The following MED1 variants were observed in gnomAD, a reference collection of about 807,000 sequenced individuals.
MED1 encodes the protein mediator complex subunit 1.
In MED1, 17 loss-of-function variants were observed where a neutral mutation model predicts 121.3. That is an observed-to-expected ratio of 0.14 (90% CI 0.10 to 0.21). The LOEUF is 0.21. Ranked by LOEUF, MED1 falls within the 10% of genes least tolerant of loss-of-function variation. The pLI is 1.00. For synonymous variants in MED1, 661 were observed against 694.4 expected (o/e 0.95, Z 0.76); for missense variants, 1,558 against 1,919.4 (o/e 0.81, Z 3.52).
intron 3 of MED1, among the ~76,000 whole-genome samples, chr17:39,441,753 G>A (rs1192569280): frequency 6.6e-6 from 1 of 151,980 alleles, no homozygotes; most frequent in Non-Finnish European, 1.5e-5. Flanking sequence ...CAGCCTGGGT[G>A]ACACAGCGAC....
rs2048338663 is a variant in MED1, at chr17:39,409,786, C to T, written c.2435G>A (p.Ser812Asn). 6.2e-7 allele frequency: 1 copy of T among 1,614,042 alleles called. No homozygotes were observed. The highest frequency in any genetic ancestry group is 1.3e-5 in the African/African-American group (1 of 74,910). ...AIGTPLRDSS[S>N]SGHSQSTLFD... Reference sequence around the variant, plus strand: ...CAGGGTACTCTGAGAATGCCCAGAGCTTGAAGAATCTCGAAGAGGGGTGCC... The same window carrying T: ...CAGGGTACTCTGAGAATGCCCAGAGTTTGAAGAATCTCGAAGAGGGGTGCC... The change falls in exon 17 of 17, where the codon AGC becomes AAC. Residue 812 changes from serine to asparagine, a missense_variant. This residue lies in a region of MED1 where 793 missense variants were observed against 898.2 expected (regional missense o/e 0.88). Transcript: ENST00000300651.
chr17:39,440,807 A>T lies in MED1; in HGVS notation c.212-130T>A. 1.1e-6 allele frequency: 1 copy of T among 886,936 alleles called. No homozygotes were observed. The highest frequency in any genetic ancestry group is 1.8e-6 in the Non-Finnish European group (1 of 566,400). The allele number at this position is 886,936 out of a possible 1,614,324, so 54.9% of individuals were successfully genotyped here. On this transcript the variant is annotated intron_variant, in intron 3 of 16. Transcript: ENST00000300651. This position sits in a 1 kb window ranked among gnomAD's most constrained non-coding sequence, Gnocchi z 4.1. ...AGTAGTTCAAATGCTTGTAATTTAC[A>T]TAAAGTTCACTGATTAGGGTTAGCT...
chr17:39,440,612 A>C lies in MED1; in HGVS notation c.266+11T>G. ...AAGTTAAACATTTCTGCCTACAGAA[A>C]GACTACTTACCCATTCTGTCTTGCT... is the stretch of plus-strand genomic sequence containing the variant. On this transcript the variant is annotated intron_variant, in intron 4 of 16. Coordinates refer to ENST00000300651, the MANE Select transcript of MED1 (RefSeq NM_004774.4). The surrounding 1 kb of genome is among the most constrained non-coding windows in gnomAD (Gnocchi z 4.1). 3.1e-6 allele frequency: 5 copies of C among 1,612,762 alleles called. No homozygotes were observed. Among genetic ancestry groups the C allele is most frequent in the Non-Finnish European group, 4.2e-6 (5 of 1,178,960 alleles).
chr17:39,431,911 T>C (rs764593086), intron 8 of MED1, 31 bp downstream of exon 8: 3 of 1,485,802 alleles, frequency 2.0e-6, no homozygotes, highest in South Asian at 1.1e-5. Flanking sequence ...ACTCAAGGGA[T>C]CATGTAGAAT....
intron 10 of MED1, among the ~76,000 whole-genome samples, chr17:39,425,665 G>A (rs890780985): frequency 3.3e-5 from 5 of 152,066 alleles, no homozygotes; most frequent in African/African-American, 1.2e-4. Context: ...AGCCAGGTGT[G>A]GTGACAGGCG....
At chr17:39,439,423 A>C (rs2048651070) in intron 5 of MED1, among the ~76,000 whole-genome samples, 1 of 152,214 alleles carries the variant, frequency 6.6e-6, no homozygotes, top group Non-Finnish European at 1.5e-5. Flanking sequence ...AAAAGAATCT[A>C]CTTTCAGTAG....
In MED1 at chr17:39,407,955, C is replaced by A; in HGVS notation, c.4266G>T (p.Arg1422Ser). 6.2e-7 allele frequency: 1 copy of A among 1,614,056 alleles called. No individual in the cohort carries two copies. Among genetic ancestry groups the A allele is most frequent in the Non-Finnish European group, 8.5e-7 (1 of 1,180,024 alleles). Reference protein sequence around the residue: ...KPGESSGEGLRPQMASSKNYG... With the variant: ...KPGESSGEGLSPQMASSKNYG... The stretch of plus-strand genomic sequence containing the variant: ...AGTTTTTAGAAGAAGCCATTTGAGG[C>A]CTAAGCCCTTCTCCACTACTTTCCC... The change falls in exon 17 of 17, where the codon AGG becomes AGT. Residue 1422 changes from arginine (R) to serine (S), a missense_variant. Arg to Ser is a moderately radical substitution (Grantham distance 110, BLOSUM62 -1). This residue lies in a region of MED1 where 264 missense variants were observed against 326.1 expected (regional missense o/e 0.81). Coordinates refer to ENST00000300651, the MANE Select transcript of MED1 (RefSeq NM_004774.4).
chr17:39,410,489 T>C lies in MED1; in HGVS notation c.1732A>G (p.Met578Val), dbSNP rs2048346471. ...TGCCGATCTTTGATGCTCATGCTCA[T>C]ATTAAACAAGGTGGTAATGGGACCC... ...PGGPITTLFN[M>V]SMSIKDRHES... Residue 578 changes from methionine to valine, a missense_variant, in exon 17 of 17, where the codon ATG (methionine) becomes GTG (valine). By Grantham distance (21) the Met-to-Val change is conservative. Around this residue, in one of 5 missense-constraint regions of MED1, gnomAD observed 793 missense variants for 898.2 expected, o/e 0.88. Coordinates refer to ENST00000300651, the MANE Select transcript of MED1 (RefSeq NM_004774.4). 1.9e-6 allele frequency: 3 copies of C among 1,614,116 alleles called. No homozygotes were observed. Among genetic ancestry groups the C allele is most frequent in the Non-Finnish European group, 2.5e-6 (3 of 1,180,032 alleles).
Position 39,404,996 on chromosome 17 carries a change from A to C in MED1, c.*2479T>G. On this transcript the variant is annotated 3_prime_UTR_variant, in exon 17 of 17. Transcript: ENST00000300651. ...TAAGTCAAAAGACAGAAGAGGAATC[A>C]GGTCAAACTGAGAATACATAAGACA... 1 of 440,260 alleles carries C rather than the reference A, an allele frequency of 2.3e-6. No individual in the cohort carries two copies. The highest frequency in any genetic ancestry group is 5.6e-5 in the South Asian group (1 of 17,992). 27.3% of individuals were successfully genotyped at this position (440,260 alleles called of 1,614,324 possible).
chr17:39,442,206 T>C (rs2048682118), intron 3 of MED1, among the ~76,000 whole-genome samples: 1 of 152,162 alleles, frequency 6.6e-6, no homozygotes, highest in African/African-American at 2.4e-5. Context: ...GAATTAGTCA[T>C]TATAAGCATG....
chr17:39,426,587 T>C (rs970100234), intron 10 of MED1, among the ~76,000 whole-genome samples: 1 of 152,022 alleles, frequency 6.6e-6, no homozygotes, highest in Non-Finnish European at 1.5e-5. Flanking sequence ...CAGGCTGGAG[T>C]GCAATGGCAC....
chr17:39,424,586 G>T, intron 11 of MED1, 41 bp downstream of exon 11: 1 of 1,373,630 alleles, frequency 7.3e-7, no homozygotes, highest in South Asian at 1.2e-5. Context: ...TGCGCTTTGA[G>T]AAAAATTGAC....
chr17:39,450,610 C>G (rs1382273078), intron 1 of MED1, among the ~76,000 whole-genome samples: 1 of 152,182 alleles, frequency 6.6e-6, no homozygotes, highest in Admixed American at 6.6e-5. Flanking sequence ...CACAATGGCA[C>G]AGGATCTGAA....
intron 16 of MED1, among the ~76,000 whole-genome samples, chr17:39,414,412 T>C (rs1597854609): frequency 6.6e-6 from 1 of 151,292 alleles, no homozygotes; most frequent in East Asian, 2.0e-4. Context: ...CTCGGCTCAC[T>C]GCAAGCTCCA....
chr17:39,426,677 A>G (rs2048517862), intron 10 of MED1, among the ~76,000 whole-genome samples: 1 of 151,472 alleles, frequency 6.6e-6, no homozygotes, highest in Non-Finnish European at 1.5e-5. Flanking sequence ...TGGGATTACA[A>G]GCATGGGCCA....
intron 9 of MED1, among the ~76,000 whole-genome samples, chr17:39,429,702 TAAAAA>T (rs757034804): frequency 6.1e-5 from 3 of 48,966 alleles, no homozygotes; most frequent in African/African-American, 3.0e-4. Flanking sequence ...CCTAAATGCC[TAAAAA>T]AAAAAAAAAA....
intron 14 of MED1, 151 bp from the exon 15 acceptor site, chr17:39,415,490 A>G: frequency 1.7e-6 from 1 of 574,208 alleles, no homozygotes; most frequent in South Asian, 2.0e-5. Flanking sequence ...CCTGGCCAAC[A>G]TGGCGAAACC....
Position 39,406,048 on chromosome 17 carries a change from C to A in MED1, c.*1427G>T. 6 of 985,390 alleles carry A rather than the reference C, an allele frequency of 6.1e-6. No homozygotes were observed. Among genetic ancestry groups the A allele is most frequent in the Non-Finnish European group, 7.2e-6 (6 of 829,910 alleles). 61.0% of individuals were successfully genotyped at this position (985,390 alleles called of 1,614,324 possible). A position where few individuals can be genotyped will look rare whatever the true frequency, so the allele number is the denominator to read the frequency against. ...AAGGCCGCAGAATTTTTGAGAGGAC[C>A]CTCCAAATACTGAGAACTTCTGTTG... On this transcript the variant is annotated 3_prime_UTR_variant, in exon 17 of 17. Transcript: ENST00000300651.
chr17:39,431,347 A>G, intron 8 of MED1, 159 bp from the exon 9 acceptor site: 5 of 513,736 alleles, frequency 9.7e-6, no homozygotes, highest in Non-Finnish European at 1.4e-5. Context: ...GTACAATCTC[A>G]GCTCACCGCA....
Sources: gnomAD v4.1 joint callset for allele counts (sites outside exome capture counted in the v4.1 genomes callset) on GRCh38, gnomAD v4.1.1 for gene constraint, gnomAD v4.1.1 regional missense constraint, Gnocchi (gnomAD v3.1) non-coding constraint, MANE v1.5 for transcripts, NCBI Gene and HGNC (gene_info 2026-07-23, HGNC 2026-07-21) for gene names.